The following COA6 variants were observed in gnomAD, a reference collection of about 807,000 sequenced individuals.
COA6 encodes cytochrome c oxidase assembly factor 6 homolog.
Under a neutral mutation model 17.1 loss-of-function variants are expected in COA6, and 12 were observed. The observed-to-expected ratio is 0.70, with a 90% confidence interval of 0.45 to 1.14. COA6 has a LOEUF of 1.14. Ranked by LOEUF, COA6 falls within the 50% of genes most tolerant of loss-of-function variation. The pLI is 0.00. For synonymous variants in COA6, 90 were observed against 73.4 expected, an observed-to-expected ratio of 1.23 and a Z score of -1.16; for missense variants, 246 against 196.5, an observed-to-expected ratio of 1.25 and a Z score of -1.51.
At chr1:234,374,106 G>GTTTTTT in intron 1 of COA6, 124 bp from the exon 2 acceptor site, 1 of 997,664 alleles carries the variant, frequency 1.0e-6, no homozygotes, top group Non-Finnish European at 1.4e-6. Context: ...GTTTTGTTTT[G>GTTTTTT]TTTTTGTTTT....
chr1:234,382,218 C>T (rs1296979424), intron 2 of COA6, among the ~76,000 whole-genome samples: 1 of 152,114 alleles, frequency 6.6e-6, no homozygotes, highest in Admixed American at 6.6e-5. Context: ...GAAAAGTGGA[C>T]CAGGGTTTTC....
At chr1:234,373,959 C>A in intron 1 of COA6, 1 of 1,289,712 alleles carries the variant, frequency 7.8e-7, no homozygotes, top group Non-Finnish European at 1.0e-6. Flanking sequence ...AGTTCTCAGC[C>A]GGGCTTTCTG....
Position 234,374,253 on chromosome 1 carries a change from C to A in COA6, c.236C>A (p.Ala79Asp). Reference protein sequence around the residue: ...AESFIAVGMAAPSMKERQVCW... With the variant: ...AESFIAVGMADPSMKERQVCW... ...AGCTTCATCGCAGTAGGAATGGCAG[C>A]CCCATCTATGAAGGAAAGACAGGTC... is the stretch of plus-strand genomic sequence containing the variant. Residue 79 changes from alanine (A) to aspartate (D), a missense_variant, in exon 2 of 3, where the codon GCC (alanine) becomes GAC (aspartate). Coordinates refer to ENST00000366615, the MANE Select transcript of COA6 (RefSeq NM_001206641.3). 1 of 1,612,812 alleles carries A rather than the reference C, an allele frequency of 6.2e-7. No homozygotes were observed. The highest frequency in any genetic ancestry group is 8.5e-7 in the Non-Finnish European group (1 of 1,179,734).
chr1:234,373,813 C>T, intron 1 of COA6, 135 bp downstream of exon 1: 2 of 1,613,642 alleles, frequency 1.2e-6, no homozygotes, highest in Non-Finnish European at 1.7e-6. Context: ...GATTGTGGCC[C>T]CCACACACCT....
chr1:234,383,067 G>GGAGGGAGA (rs1465521846), intron 2 of COA6, among the ~76,000 whole-genome samples: 1 of 144,818 alleles, frequency 6.9e-6, no homozygotes, highest in Non-Finnish European at 1.5e-5. Context: ...AGGGAGGGAG[G>GGAGGGAGA]GAAGGGAATG....
At position 234,384,361 on chromosome 1, in the gene COA6, A is replaced by T. The variant is rs1012040545; in HGVS notation, c.*543A>T. On this transcript the variant is annotated 3_prime_UTR_variant, in exon 3 of 3. Coordinates refer to ENST00000366615, the MANE Select transcript of COA6 (RefSeq NM_001206641.3). ...GTGAGACAAAAAAGAAAAAGCATAC[A>T]CACTGGGAAGGAAGAAAGAAAACTA... 9.9e-5 allele frequency among the ~76,000 whole-genome samples: 15 copies of T among 152,184 alleles called. No individual in the cohort carries two copies. The highest frequency in any genetic ancestry group is 3.6e-4 in the African/African-American group (15 of 41,456).
intron 2 of COA6, among the ~76,000 whole-genome samples, chr1:234,379,963 G>A (rs1043729624): frequency 1.3e-5 from 2 of 152,202 alleles, no homozygotes; most frequent in Non-Finnish European, 2.9e-5. Context: ...ATATCAGATG[G>A]TGACCTGCAA....
chr1:234,381,509 C>T (rs767099000), intron 2 of COA6, among the ~76,000 whole-genome samples: 1 of 152,220 alleles, frequency 6.6e-6, no homozygotes, highest in Non-Finnish European at 1.5e-5. Flanking sequence ...ATGAAGCCAT[C>T]AGTGGCCTCG....
At chr1:234,376,759 C>T (rs1369891539) in intron 2 of COA6, among the ~76,000 whole-genome samples, 3 of 152,192 alleles carry the variant, frequency 2.0e-5, no homozygotes, top group South Asian at 2.1e-4. Flanking sequence ...CCTTCATTCG[C>T]GTCTAGCAGC....
At chr1:234,377,133 T>TTTTTGTTGTTGTTGTTC (rs60899682) in intron 2 of COA6, among the ~76,000 whole-genome samples, 1 of 69,546 alleles carries the variant, frequency 1.4e-5, no homozygotes, top group South Asian at 3.7e-4. Context: ...TTTTGTTTTT[T>TTTTTGTTGTTGTTGTTC]TTGTTGTTGT....
intron 2 of COA6, among the ~76,000 whole-genome samples, chr1:234,375,355 C>T (rs1332386639): frequency 1.3e-5 from 2 of 152,156 alleles, no homozygotes; most frequent in African/African-American, 2.4e-5. Context: ...TGAAGTAACT[C>T]GCTTGTTATT....
chr1:234,373,587 C>T lies in COA6; in HGVS notation c.121C>T (p.Arg41Trp), dbSNP rs771107821. ...PAGRPCSGRT[R>W]HRALHRRLVA... ...GGGGCGACCCTGCAGTGGCAGGACTCGGCACCGCGCCCTCCACCGCCGGTT... is the reference window on the plus strand; with the variant it reads ...GGGGCGACCCTGCAGTGGCAGGACTTGGCACCGCGCCCTCCACCGCCGGTT... The change falls in exon 1 of 3, where the codon CGG (arginine) becomes TGG (tryptophan). Residue 41 changes from arginine to tryptophan, a missense_variant. Coordinates refer to ENST00000366615, the MANE Select transcript of COA6 (RefSeq NM_001206641.3). 6.2e-6 allele frequency: 10 copies of T among 1,612,068 alleles called. No individual in the cohort carries two copies. Among genetic ancestry groups the T allele is most frequent in the Middle Eastern group, 1.6e-4 (1 of 6,078 alleles).
chr1:234,374,182 C>T, intron 1 of COA6, 48 bp from the exon 2 acceptor site: 14 of 1,497,412 alleles, frequency 9.3e-6, no homozygotes, highest in Non-Finnish European at 1.1e-5. Context: ...ATCTTCTCTT[C>T]AGATTACAAA....
intron 2 of COA6, among the ~76,000 whole-genome samples, chr1:234,377,133 T>TTTTTGTTGTTG (rs60899682): frequency 1.4e-5 from 1 of 69,546 alleles, no homozygotes; most frequent in African/African-American, 9.2e-5. Context: ...TTTTGTTTTT[T>TTTTTGTTGTTG]TTGTTGTTGT....
In COA6 at chr1:234,374,315, G is replaced by C; in HGVS notation, c.298G>C (p.Asp100His). Reference sequence around the variant, plus strand: ...CCGGGATGAGTACTGGAAGTGTTTAGATGAGAACTTAGAGGATGCTTCTCA... The same window carrying C: ...CCGGGATGAGTACTGGAAGTGTTTACATGAGAACTTAGAGGATGCTTCTCA... ...GARDEYWKCL[D>H]ENLEDASQCK... Residue 100 changes from aspartate to histidine, a missense_variant, in exon 2 of 3, where the codon GAT becomes CAT. Physicochemically the swap from Asp to His is moderately conservative, Grantham distance 81. Coordinates refer to ENST00000366615, the MANE Select transcript of COA6 (RefSeq NM_001206641.3). The C allele has an allele frequency of 6.2e-7, 1 of 1,614,112 alleles. No individual in the cohort carries two copies. Among genetic ancestry groups the C allele is most frequent in the African/African-American group, 1.3e-5 (1 of 75,028 alleles).
intron 1 of COA6, chr1:234,373,940 C>T: frequency 7.3e-7 from 1 of 1,369,878 alleles, no homozygotes; most frequent in African/African-American, 1.5e-5. Flanking sequence ...GCGACTGGGA[C>T]AGAACCACAG....
chr1:234,376,267 G>A (rs1413236608), intron 2 of COA6, among the ~76,000 whole-genome samples: 1 of 151,784 alleles, frequency 6.6e-6, no homozygotes, highest in Non-Finnish European at 1.5e-5. Context: ...CCACACTTCC[G>A]GGGCAGCTTC....
intron 1 of COA6, chr1:234,373,992 GGGATCAAATCA>G: frequency 9.5e-7 from 1 of 1,054,556 alleles, no homozygotes; most frequent in South Asian, 1.6e-5. Flanking sequence ...CGCCCCAGCA[GGGATCAAATCA>G]CACAGTGTGA....
chr1:234,383,516 C>T (rs1572175269), intron 2 of COA6, among the ~76,000 whole-genome samples: 1 of 150,326 alleles, frequency 6.7e-6, no homozygotes, highest in Non-Finnish European at 1.5e-5. Flanking sequence ...GCACGTGTAC[C>T]CTAAAACTTA....
Sources: allele counts gnomAD v4.1 joint callset (sites outside exome capture counted in the v4.1 genomes callset), GRCh38; gene constraint gnomAD v4.1.1; transcripts MANE v1.5; gene names NCBI Gene and HGNC (gene_info 2026-07-23, HGNC 2026-07-21).